Variants in ZNF512 observed in about 807,000 individuals in gnomAD.
ZNF512 encodes zinc finger protein 512.
A neutral mutation model predicts 77.5 loss-of-function variants in ZNF512; 25 were observed. The ratio of observed to expected loss-of-function variants is 0.32; its 90% CI spans 0.23 to 0.45. The LOEUF (loss-of-function observed/expected upper bound fraction) is 0.45, where lower values mean the gene tolerates loss of function less well. Ranked by LOEUF, ZNF512 falls within the 20% of genes least tolerant of loss-of-function variation. The pLI is 1.00. For synonymous variants in ZNF512, 246 were observed against 239.9 expected, an observed-to-expected ratio of 1.03 and a Z score of -0.24; for missense variants, 483 against 692.6, an observed-to-expected ratio of 0.70 and a Z score of 3.40.
At position 27,593,247 on chromosome 2, in the gene ZNF512, A is replaced by ACACACAC. The variant is rs1558465774; in HGVS notation, c.90-4820_90-4819insCACACAC. 1.6e-3 allele frequency among the ~76,000 whole-genome samples: 222 copies of ACACACAC among 137,428 alleles called. 4 individuals carry two copies. Among genetic ancestry groups the ACACACAC allele is most frequent in the African/African-American group, 5.8e-3 (201 of 34,902 alleles). 90.2% of individuals were successfully genotyped at this position (137,428 alleles called of 152,430 possible). On this transcript the variant is annotated intron_variant, in intron 2 of 13. Transcript: ENST00000355467. ...ACACACACACACACACACACACACA[A>ACACACAC]AAGAATGAGCTGGGTACCGTGGCAC...
At chr2:27,591,600 G>A (rs1375626202) in intron 2 of ZNF512, among the ~76,000 whole-genome samples, 2 of 152,166 alleles carry the variant, frequency 1.3e-5, no homozygotes, top group African/African-American at 4.8e-5. Context: ...TAGTAGAGAT[G>A]GGGTTTCACC....
intron 8 of ZNF512, among the ~76,000 whole-genome samples, chr2:27,602,800 C>A (rs1020856335): frequency 1.3e-5 from 2 of 151,942 alleles, no homozygotes; most frequent in Non-Finnish European, 2.9e-5. Flanking sequence ...GAAGAGGATC[C>A]CAGTGACCCC....
chr2:27,619,400 T>TAA (rs112038962), intron 13 of ZNF512, among the ~76,000 whole-genome samples: 8 of 148,390 alleles, frequency 5.4e-5, no homozygotes, highest in African/African-American at 1.5e-4. Context: ...AAGACTCTGT[T>TAA]AAAAAAAAAA....
intron 4 of ZNF512, 90 bp downstream of exon 4, chr2:27,599,768 C>G (rs2148018891): frequency 6.3e-6 from 8 of 1,269,488 alleles, no homozygotes; most frequent in Non-Finnish European, 9.0e-6. Context: ...AGTTTGAGCC[C>G]TTCAGTGACC....
chr2:27,603,602 T>TTTG (rs1278627695), intron 9 of ZNF512, among the ~76,000 whole-genome samples: 1 of 34,764 alleles, frequency 2.9e-5, no homozygotes, highest in African/African-American at 2.0e-4. Flanking sequence ...TTTTTTTTTT[T>TTTG]TTTTTCTTCA....
chr2:27,594,598 C>A (rs1250835586), intron 2 of ZNF512, among the ~76,000 whole-genome samples: 1 of 149,258 alleles, frequency 6.7e-6, no homozygotes, highest in Non-Finnish European at 1.5e-5. Flanking sequence ...ACGCTCCTCA[C>A]TTCCTAGACG....
At position 27,610,536 on chromosome 2, in the gene ZNF512, ATG is replaced by A. The variant is rs1173871560; in HGVS notation, c.1131+2505_1131+2506del. The stretch of plus-strand genomic sequence containing the variant: ...TGTGTGTATATGTGTGTGTATATAT[ATG>A]TGTGTGTATATATATATATATATAT... On this transcript the variant is annotated intron_variant, in intron 10 of 13. Coordinates refer to ENST00000355467, the MANE Select transcript of ZNF512 (RefSeq NM_032434.4). Among the ~76,000 whole-genome samples, 107 of 65,126 alleles carry A rather than the reference ATG, an allele frequency of 1.6e-3. 9 individuals carry two copies. Among genetic ancestry groups the A allele is most frequent in the African/African-American group, 8.3e-3 (104 of 12,544 alleles). The allele number at this position is 65,126 out of a possible 152,430, so 42.7% of individuals were successfully genotyped here.
At chr2:27,610,542 G>GTATA (rs1558474726) in intron 10 of ZNF512, among the ~76,000 whole-genome samples, 4 of 42,018 alleles carry the variant, frequency 9.5e-5, no homozygotes, top group African/African-American at 4.0e-4. Context: ...ATATATGTGT[G>GTATA]TGTATATATA....
intron 9 of ZNF512, among the ~76,000 whole-genome samples, chr2:27,605,468 A>G (rs1016960160): frequency 1.3e-5 from 2 of 151,694 alleles, no homozygotes; most frequent in African/African-American, 2.4e-5. Flanking sequence ...ACAAAAAATG[A>G]AAAGATTGTT....
intron 13 of ZNF512, among the ~76,000 whole-genome samples, chr2:27,620,111 A>G (rs1673052836): frequency 6.6e-6 from 1 of 152,238 alleles, no homozygotes; most frequent in African/African-American, 2.4e-5. Context: ...ACATTAAAAA[A>G]GTATTTTAAA....
At chr2:27,610,636 G>A (rs1347545047) in intron 10 of ZNF512, among the ~76,000 whole-genome samples, 6 of 126,424 alleles carry the variant, frequency 4.7e-5, no homozygotes, top group East Asian at 2.5e-4. Context: ...AGGCTGGAGT[G>A]CTGGCGTGAT....
chr2:27,583,598 CT>C, intron 1 of ZNF512, 59 bp from the exon 2 acceptor site: 1 of 1,600,916 alleles, frequency 6.2e-7, no homozygotes, highest in Non-Finnish European at 8.5e-7. Context: ...GGGAATTCGT[CT>C]TTTTGTGGTC....
intron 13 of ZNF512, among the ~76,000 whole-genome samples, chr2:27,619,328 A>T (rs1169682721): frequency 1.3e-5 from 2 of 152,018 alleles, no homozygotes; most frequent in Non-Finnish European, 2.9e-5. Flanking sequence ...GCTTGAACCC[A>T]GGAGACGGAG....
chr2:27,609,659 A>G (rs868078905), intron 10 of ZNF512, among the ~76,000 whole-genome samples: 1 of 152,208 alleles, frequency 6.6e-6, no homozygotes, highest in African/African-American at 2.4e-5. Flanking sequence ...ATCTGAGGTC[A>G]GCAGTTTGAG....
chr2:27,587,359 C>G (rs750296989), intron 2 of ZNF512, among the ~76,000 whole-genome samples: 1 of 151,028 alleles, frequency 6.6e-6, no homozygotes, highest in Non-Finnish European at 1.5e-5. Context: ...TCACCGAACC[C>G]TTTGCCTCCC....
At chr2:27,602,156 A>C (rs913351714) in intron 7 of ZNF512, among the ~76,000 whole-genome samples, 1 of 152,230 alleles carries the variant, frequency 6.6e-6, no homozygotes, top group African/African-American at 2.4e-5. Context: ...GGGTGTTAGC[A>C]AGAAGACCGT....
At chr2:27,607,328 T>G (rs1451375686) in intron 9 of ZNF512, among the ~76,000 whole-genome samples, 3 of 152,072 alleles carry the variant, frequency 2.0e-5, no homozygotes, top group African/African-American at 7.2e-5. Context: ...GGGTTAAGAT[T>G]TGTCTCTTTG....
intron 9 of ZNF512, among the ~76,000 whole-genome samples, chr2:27,604,533 C>G (rs111867255): frequency 4.6e-5 from 7 of 152,242 alleles, no homozygotes; most frequent in African/African-American, 1.7e-4. Flanking sequence ...GTAATCCCAG[C>G]ACTTTGGGAA....
intron 9 of ZNF512, among the ~76,000 whole-genome samples, chr2:27,605,673 G>A (rs749346002): frequency 2.0e-5 from 3 of 151,992 alleles, no homozygotes; most frequent in East Asian, 2.0e-4. Context: ...ATGGGTGTTC[G>A]CCATGTTGGC....
Sources: allele counts gnomAD v4.1 joint callset (sites outside exome capture counted in the v4.1 genomes callset), GRCh38; gene constraint gnomAD v4.1.1; transcripts MANE v1.5; gene names NCBI Gene and HGNC (gene_info 2026-07-23, HGNC 2026-07-21).